Variants in EIF4E2 observed in about 807,000 individuals in gnomAD.
EIF4E2 encodes eukaryotic translation initiation factor 4E type 2.
Under a neutral mutation model 34.2 loss-of-function variants are expected in EIF4E2, and 13 were observed. That is an observed-to-expected ratio of 0.38 (90% confidence interval 0.25 to 0.60). The LOEUF (loss-of-function observed/expected upper bound fraction) is 0.60. EIF4E2 is among the 20% of genes least tolerant of loss of function. The pLI is 0.62. For missense variants in EIF4E2, 222 were observed against 315.1 expected, an observed-to-expected ratio of 0.70 and a Z score of 2.24; for synonymous variants, 100 against 106.6, an observed-to-expected ratio of 0.94 and a Z score of 0.38.
At position 232,569,055 on chromosome 2, in the gene EIF4E2, G is replaced by A. The variant is rs1693028806; in HGVS notation, c.*38G>A. 1 of 1,610,302 alleles carries A rather than the reference G, an allele frequency of 6.2e-7. No homozygotes were observed. The highest frequency in any genetic ancestry group is 1.1e-5 in the South Asian group (1 of 90,184). ...CTGGATGGCACCATCATTGAAGCTGGCGTCATCGGAGTCTCTTGTTCTGTT... is the reference window on the plus strand; with the variant it reads ...CTGGATGGCACCATCATTGAAGCTGACGTCATCGGAGTCTCTTGTTCTGTT... On this transcript the variant is annotated 3_prime_UTR_variant, in exon 7 of 7. Transcript: ENST00000258416.
At chr2:232,577,656 G>A (rs1357284220) in intron 6 of EIF4E2, among the ~76,000 whole-genome samples, 1 of 152,228 alleles carries the variant, frequency 6.6e-6, no homozygotes, top group Non-Finnish European at 1.5e-5. Flanking sequence ...TGTGAAGTTG[G>A]AAGCCAGTCT....
rs1042044323 is a variant in EIF4E2 at position 232,567,965 on chromosome 2, C to T, written c.665+751C>T. On this transcript the variant is annotated intron_variant, in intron 6 of 6. Coordinates refer to ENST00000258416, the MANE Select transcript of EIF4E2 (RefSeq NM_004846.4). ...AGTTAGGACTCTTAGGTTTAGTTCT[C>T]TCATATGGCCCCATACCAATATGTG... 10 of 975,022 alleles carry T rather than the reference C, an allele frequency of 1.0e-5. No homozygotes were observed. In the East Asian group the frequency reaches 5.7e-4, roughly 55 times the overall value. 60.4% of individuals were successfully genotyped at this position (975,022 alleles called of 1,614,324 possible). A position where few individuals can be genotyped will look rare whatever the true frequency, so the allele number is the denominator to read the frequency against.
intron 3 of EIF4E2, among the ~76,000 whole-genome samples, chr2:232,563,692 G>A (rs1692808019): frequency 6.6e-6 from 1 of 152,136 alleles, no homozygotes; most frequent in African/African-American, 2.4e-5. Context: ...TAACTAAACA[G>A]GTCTAAGAGG....
rs1184011232 is a variant in EIF4E2, at chr2:232,558,006, C to T, written c.258C>T (p.Gly86=). ...QSYEQNIKQI[G]TFASVEQFWR... ...ATGAACAGAATATCAAACAGATTGG[C>T]ACCTTTGCCTCTGTGAGTTCTTGGT... Residue 86 remains glycine, a synonymous_variant, in exon 3 of 7, where the codon GGC becomes GGT. Coordinates refer to ENST00000258416, the MANE Select transcript of EIF4E2 (RefSeq NM_004846.4). 2 of 1,613,986 alleles carry T rather than the reference C, an allele frequency of 1.2e-6. No homozygotes were observed.
chr2:232,558,575 C>T (rs1176501685), intron 3 of EIF4E2: 6 of 150,122 alleles, frequency 4.0e-5, no homozygotes, highest in African/African-American at 5.0e-5. Flanking sequence ...TGAGCCGCTG[C>T]ACCTGGCCCT....
chr2:232,580,082 T>TA (rs2106258745), intron 6 of EIF4E2, among the ~76,000 whole-genome samples: 1 of 101,134 alleles, frequency 9.9e-6, no homozygotes, highest in Admixed American at 1.2e-4. Flanking sequence ...CCCACATACA[T>TA]ACCACACACA....
Position 232,568,941 on chromosome 2 carries a change from C to G in EIF4E2, c.666-4C>G. The G allele has an allele frequency of 6.2e-7, 1 of 1,614,208 alleles. No individual in the cohort carries two copies. Among genetic ancestry groups the G allele is most frequent in the Non-Finnish European group, 8.5e-7 (1 of 1,180,032 alleles). ...AATGAGCCAACCTTTTGCACTTCCACTAGAATGCCAGGCAGGCTGGGCCCC... is the reference window on the plus strand; with the variant it reads ...AATGAGCCAACCTTTTGCACTTCCAGTAGAATGCCAGGCAGGCTGGGCCCC... On this transcript the variant is annotated splice_polypyrimidine_tract_variant and splice_region_variant and intron_variant, in intron 6 of 6. Coordinates refer to ENST00000258416, the MANE Select transcript of EIF4E2 (RefSeq NM_004846.4).
chr2:232,574,156 G>A, downstream of EIF4E2: 2 of 1,170,394 alleles, frequency 1.7e-6, no homozygotes, highest in South Asian at 2.6e-5. Context: ...GCTCCACTCG[G>A]CTTGGAGGGC....
chr2:232,555,149 A>C (rs1366853521), intron 1 of EIF4E2, among the ~76,000 whole-genome samples: 2 of 152,232 alleles, frequency 1.3e-5, no homozygotes, highest in Non-Finnish European at 2.9e-5. Flanking sequence ...TGGGCAAAAA[A>C]AACCAGACCA....
intron 1 of EIF4E2, chr2:232,551,173 G>A: frequency 1.4e-5 from 7 of 506,862 alleles, no homozygotes; most frequent in South Asian, 1.1e-4. Context: ...TCTGCAGAGT[G>A]GGGACGGTAA....
At chr2:232,565,807 G>A (rs936368002) in intron 4 of EIF4E2, among the ~76,000 whole-genome samples, 4 of 151,910 alleles carry the variant, frequency 2.6e-5, no homozygotes, top group Admixed American at 1.3e-4. Flanking sequence ...AGAGATTGGG[G>A]CTTCAGCCAG....
intron 6 of EIF4E2, chr2:232,567,671 C>T (rs1250468978): frequency 2.0e-6 from 2 of 1,024,438 alleles, no homozygotes; most frequent in Non-Finnish European, 2.3e-6. Flanking sequence ...GACTCCATTT[C>T]CTTGTGTATA....
intron 3 of EIF4E2, among the ~76,000 whole-genome samples, chr2:232,563,642 A>T (rs992561636): frequency 6.6e-6 from 1 of 152,168 alleles, no homozygotes; most frequent in Non-Finnish European, 1.5e-5. Context: ...GTAGAGTGGT[A>T]TGTGTGGTAC....
intron 4 of EIF4E2, among the ~76,000 whole-genome samples, chr2:232,565,119 GA>G (rs1488757821): frequency 6.6e-6 from 1 of 152,222 alleles, no homozygotes; most frequent in Non-Finnish European, 1.5e-5. Flanking sequence ...CATTTTTCGA[GA>G]AGACAAATGT....
chr2:232,557,159 C>T (rs865825866), intron 2 of EIF4E2, among the ~76,000 whole-genome samples: 21 of 152,262 alleles, frequency 1.4e-4, no homozygotes, highest in Non-Finnish European at 2.8e-4. Context: ...GCAGGAGAAT[C>T]GCTTGAACCC....
downstream of EIF4E2, among the ~76,000 whole-genome samples, chr2:232,569,408 A>T (rs758186421): frequency 6.6e-6 from 1 of 152,212 alleles, no homozygotes; most frequent in Admixed American, 6.5e-5. Context: ...ATAAGGTGAC[A>T]TCTAGCTTAG....
intron 5 of EIF4E2, 22 bp downstream of exon 5, chr2:232,567,003 C>G (rs1258287023): frequency 6.3e-7 from 1 of 1,589,870 alleles, no homozygotes; most frequent in Non-Finnish European, 8.6e-7. Flanking sequence ...ATGAGCCAGG[C>G]TGGTTTCTTG....
chr2:232,556,196 A>G lies in EIF4E2; in HGVS notation c.21-220A>G, dbSNP rs182123362. Among the ~76,000 whole-genome samples, 300 of 152,368 alleles carry G rather than the reference A, an allele frequency of 2.0e-3. 6 individuals are homozygous for G. Among genetic ancestry groups the G allele is most frequent in the African/African-American group, 7.0e-3 (291 of 41,582 alleles). On this transcript the variant is annotated intron_variant, in intron 1 of 6. Coordinates refer to ENST00000258416, the MANE Select transcript of EIF4E2 (RefSeq NM_004846.4). ...TTGTGTGGCTTTTTAGAAAACTGAAAGACAGTGCTTTGTGGAGTTCACAAG... is the reference window on the plus strand; with the variant it reads ...TTGTGTGGCTTTTTAGAAAACTGAAGGACAGTGCTTTGTGGAGTTCACAAG...
chr2:232,570,318 A>G (rs1693061033), downstream of EIF4E2, among the ~76,000 whole-genome samples: 1 of 152,236 alleles, frequency 6.6e-6, no homozygotes, highest in Admixed American at 6.5e-5. Context: ...TACCTATAAA[A>G]TGAGAGATTT....
Sources: gnomAD v4.1 joint callset for allele counts (sites outside exome capture counted in the v4.1 genomes callset) on GRCh38, gnomAD v4.1.1 for gene constraint, MANE v1.5 for transcripts, NCBI Gene and HGNC (gene_info 2026-07-23, HGNC 2026-07-21) for gene names.